PABPC4: variants seen among roughly 807,000 people sequenced by gnomAD.
PABPC4 encodes the protein polyadenylate-binding protein 4.
Under a neutral mutation model 74.5 loss-of-function variants are expected in PABPC4, and 15 were observed. That is an observed-to-expected ratio of 0.20 (90% CI 0.13 to 0.31). The LOEUF is 0.31. PABPC4 is among the 10% of genes least tolerant of loss of function. PABPC4 has a pLI of 1.00. For synonymous variants in PABPC4, 345 were observed against 303.0 expected, an observed-to-expected ratio of 1.14 and a Z score of -1.44; for missense variants, 610 against 853.5, an observed-to-expected ratio of 0.71 and a Z score of 3.55.
chr1:39,563,614 C>T lies in PABPC4; in HGVS notation c.1668G>A (p.Gln556=), dbSNP rs1414403112. The change falls in exon 12 of 16, where the codon CAG becomes CAA. Residue 556 remains glutamine (Q), a splice_region_variant and synonymous_variant. Transcript: ENST00000372858. ...RSPHPAIQPL[Q]APQPAVHVQG... is the part of the protein sequence containing the mutation. ...AAGCATTCTGTCTGGTGAACCTCACCTGCAGAGGCTGTATGGCAGGATGAG... is the reference window on the plus strand; with the variant it reads ...AAGCATTCTGTCTGGTGAACCTCACTTGCAGAGGCTGTATGGCAGGATGAG... The T allele has an allele frequency of 6.2e-7, 1 of 1,612,974 alleles. No homozygotes were observed. The highest frequency in any genetic ancestry group is 8.5e-7 in the Non-Finnish European group (1 of 1,179,496).
chr1:39,562,086 G>C lies in PABPC4; in HGVS notation c.1880C>G (p.Ser627Cys), dbSNP rs1434821377. 2.5e-6 allele frequency: 4 copies of C among 1,612,904 alleles called. No individual in the cohort carries two copies. Among genetic ancestry groups the C allele is most frequent in the South Asian group, 2.2e-5 (2 of 91,018 alleles). ...GCCCCAGCTCACCTTGGAGCGGAGA[G>C]ACTCGGGGGACTCTAACATGTGCAG... ...ELLHMLESPE[S>C]LRSKVDEAVA... Residue 627 changes from serine (S) to cysteine (C), a missense_variant, in exon 14 of 16, where the codon TCT becomes TGT. This residue lies in a region of PABPC4 where 29 missense variants were observed against 51.6 expected (regional missense o/e 0.56). Transcript: ENST00000372858.
chr1:39,560,947 C>G lies in PABPC4; in HGVS notation c.*189G>C, dbSNP rs990568994. Reference sequence around the variant, plus strand: ...ACACTGTCTGGGCCACAGCAGAACCCAAAGAACATATTCGTATAATTGAAA... The same window carrying G: ...ACACTGTCTGGGCCACAGCAGAACCGAAAGAACATATTCGTATAATTGAAA... On this transcript the variant is annotated 3_prime_UTR_variant, in exon 16 of 16. Coordinates refer to ENST00000372858, the MANE Select transcript of PABPC4 (RefSeq NM_001135653.2). The G allele has an allele frequency of 6.8e-6, 2 of 295,820 alleles. No individual in the cohort carries two copies. The highest frequency in any genetic ancestry group is 1.4e-5 in the Non-Finnish European group (2 of 141,994). 18.3% of individuals were successfully genotyped at this position (295,820 alleles called of 1,614,324 possible).
intron 1 of PABPC4, 32 bp from the exon 2 acceptor site, chr1:39,572,618 A>T: frequency 1.3e-6 from 2 of 1,560,308 alleles, no homozygotes; most frequent in Non-Finnish European, 1.8e-6. Flanking sequence ...CAATAAGGAG[A>T]GAAAACGTCA....
intron 12 of PABPC4, 104 bp downstream of exon 12, chr1:39,563,510 G>C (rs565281333): frequency 7.4e-7 from 1 of 1,357,164 alleles, no homozygotes; most frequent in South Asian, 1.4e-5. Flanking sequence ...TCATAACACA[G>C]AGCAGGCATT....
chr1:39,566,807 T>G (rs1421547187), intron 7 of PABPC4, among the ~76,000 whole-genome samples: 1 of 152,094 alleles, frequency 6.6e-6, no homozygotes, highest in Admixed American at 6.5e-5. Flanking sequence ...CTCCTTACAC[T>G]GATGAGGGCC....
At chr1:39,568,510 T>C (rs1210049613) in intron 6 of PABPC4, 1 of 293,674 alleles carries the variant, frequency 3.4e-6, no homozygotes, top group East Asian at 7.0e-5. Flanking sequence ...CTTGAAGCCA[T>C]GCCAAACAAA....
chr1:39,575,722 G>C, intron 1 of PABPC4, 37 bp downstream of exon 1: 1 of 1,480,628 alleles, frequency 6.8e-7, no homozygotes, highest in Middle Eastern at 1.8e-4. Flanking sequence ...GGGGTCCTCC[G>C]GGCTCCCACG....
At position 39,572,564 on chromosome 1, in the gene PABPC4, C is replaced by A; in HGVS notation, c.216G>T (p.Met72Ile). 1 of 1,613,880 alleles carries A rather than the reference C, an allele frequency of 6.2e-7. No individual in the cohort carries two copies. Among genetic ancestry groups the A allele is most frequent in the South Asian group, 1.1e-5 (1 of 91,052 alleles). Reference sequence around the variant, plus strand: ...GCTTTCCCTTAATCACATCAAAGTTCATGGTGTCCAAAGCCCGCTCAGCTG... The same window carrying A: ...GCTTTCCCTTAATCACATCAAAGTTAATGGTGTCCAAAGCCCGCTCAGCTG... ...PADAERALDT[M>I]NFDVIKGKPI... is the part of the protein sequence containing the mutation. Residue 72 changes from methionine (M) to isoleucine (I), a missense_variant, in exon 2 of 16, where the codon ATG becomes ATT. Transcript: ENST00000372858.
At position 39,565,120 on chromosome 1, in the gene PABPC4, G is replaced by A; in HGVS notation, c.1231C>T (p.Pro411Ser). 1 of 1,613,864 alleles carries A rather than the reference G, an allele frequency of 6.2e-7. No homozygotes were observed. Among genetic ancestry groups the A allele is most frequent in the Non-Finnish European group, 8.5e-7 (1 of 1,180,014 alleles). The change falls in exon 8 of 16, where the codon CCA (proline) becomes TCA (serine). Residue 411 changes from proline (P) to serine (S), a missense_variant. Pro to Ser is a moderately conservative substitution (Grantham distance 74, BLOSUM62 -1). This residue lies in a region of PABPC4 where 277 missense variants were observed against 301.8 expected (regional missense o/e 0.92). Coordinates refer to ENST00000372858, the MANE Select transcript of PABPC4 (RefSeq NM_001135653.2). ...AGCACACCCACCTGTGGGACTGCTGGCACAAAGTAGCCACCCGCTGCAGGC... is the reference window on the plus strand; with the variant it reads ...AGCACACCCACCTGTGGGACTGCTGACACAAAGTAGCCACCCGCTGCAGGC... ...FQPAAGGYFV[P>S]AVPQAQGRPP...
At chr1:39,568,581 AATAG>A in intron 6 of PABPC4, 1 of 452,524 alleles carries the variant, frequency 2.2e-6, no homozygotes, top group Non-Finnish European at 3.8e-6. Context: ...AGGCTTCCAA[AATAG>A]AGAGCTTCTT....
intron 2 of PABPC4, chr1:39,571,625 A>G (rs1645941244): frequency 1.9e-6 from 1 of 523,966 alleles, no homozygotes; most frequent in Admixed American, 2.8e-5. Context: ...GCTGTGGCTC[A>G]TGCCTGTAAT....
Position 39,576,058 on chromosome 1 carries a change from G to T in PABPC4, c.-107C>A. The T allele has an allele frequency of 1.3e-6, 1 of 763,276 alleles. No homozygotes were observed. Among genetic ancestry groups the T allele is most frequent in the African/African-American group, 1.8e-5 (1 of 54,222 alleles). The allele number at this position is 763,276 out of a possible 1,614,324, so 47.3% of individuals were successfully genotyped here. A position where few individuals can be genotyped will look rare whatever the true frequency, so the allele number is the denominator to read the frequency against. ...CCCGGGCCCGCGCCGCGGCTCACAG[G>T]TGGCACCGGCGCGGCGAGGACGAGC... On this transcript the variant is annotated 5_prime_UTR_variant, in exon 1 of 16. Coordinates refer to ENST00000372858, the MANE Select transcript of PABPC4 (RefSeq NM_001135653.2).
chr1:39,576,107 G>A lies in PABPC4; in HGVS notation c.-156C>T, dbSNP rs1478697897. ...GCTGGAGTCGGCGGGCTTGGAGACG[G>A]GACGGAAACGGGAGGCGGGGGCCGG... On this transcript the variant is annotated 5_prime_UTR_variant, in exon 1 of 16. Coordinates refer to ENST00000372858, the MANE Select transcript of PABPC4 (RefSeq NM_001135653.2). 7.5e-6 allele frequency: 4 copies of A among 533,056 alleles called. No homozygotes were observed. Among genetic ancestry groups the A allele is most frequent in the South Asian group, 5.1e-5 (2 of 39,360 alleles). 33.0% of individuals were successfully genotyped at this position (533,056 alleles called of 1,614,324 possible). A position where few individuals can be genotyped will look rare whatever the true frequency, so the allele number is the denominator to read the frequency against.
chr1:39,572,308 T>A, intron 2 of PABPC4, 85 bp downstream of exon 2: 2 of 1,062,726 alleles, frequency 1.9e-6, no homozygotes, highest in Non-Finnish European at 2.8e-6. Context: ...TGTTCCCCAA[T>A]TCCAAGATAG....
intron 7 of PABPC4, 94 bp from the exon 8 acceptor site, chr1:39,565,472 TG>T (rs1395952124): frequency 7.6e-7 from 1 of 1,318,554 alleles, no homozygotes; most frequent in Non-Finnish European, 1.0e-6. Context: ...AAGGCTGAGG[TG>T]GGAGGGCTGC....
rs143270321 is a variant in PABPC4, at chr1:39,562,402, C to A, written c.1683G>T (p.Ala561=). The A allele has an allele frequency of 6.2e-7, 1 of 1,613,532 alleles. No homozygotes were observed. The highest frequency in any genetic ancestry group is 1.1e-5 in the South Asian group (1 of 91,044). The change falls in exon 13 of 16, where the codon GCG becomes GCT. Residue 561 remains alanine, a synonymous_variant. Coordinates refer to ENST00000372858, the MANE Select transcript of PABPC4 (RefSeq NM_001135653.2). ...AIQPLQAPQP[A]VHVQGQEPLT... is the part of the protein sequence containing the mutation. ...GTGGCTCCTGCCCCTGCACATGGAC[C>A]GCAGGCTGGGGTGCCTGGGAACCAG...
At chr1:39,562,271 C>T (rs1645777824) in intron 13 of PABPC4, 52 bp downstream of exon 13, 2 of 1,607,756 alleles carry the variant, frequency 1.2e-6, no homozygotes, top group African/African-American at 1.3e-5. Flanking sequence ...GGTGTCCTAG[C>T]TGGCATCAGG....
chr1:39,563,500 T>C, intron 12 of PABPC4, 114 bp downstream of exon 12: 1 of 1,317,444 alleles, frequency 7.6e-7, no homozygotes, highest in East Asian at 2.4e-5. Context: ...GAACATAGCG[T>C]CATAACACAG....
chr1:39,567,315 G>A (rs1570383070), intron 7 of PABPC4: 2 of 499,180 alleles, frequency 4.0e-6, no homozygotes, highest in Middle Eastern at 3.3e-4. Context: ...TTTAAGACCA[G>A]GGTAGAAGTT....
Sources: gnomAD v4.1 joint callset for allele counts (sites outside exome capture counted in the v4.1 genomes callset) on GRCh38, gnomAD v4.1.1 for gene constraint, gnomAD v4.1.1 regional missense constraint, MANE v1.5 for transcripts, NCBI Gene and HGNC (gene_info 2026-07-23, HGNC 2026-07-21) for gene names.